Variants in CHI3L1 observed in about 807,000 individuals in gnomAD.
CHI3L1 encodes the protein chitinase-3-like protein 1.
In CHI3L1, 30 loss-of-function variants were observed where a neutral mutation model predicts 40.7. The ratio of observed to expected loss-of-function variants is 0.74; its 90% CI spans 0.55 to 1.00. The LOEUF (loss-of-function observed/expected upper bound fraction) is 1.00, where lower values mean the gene tolerates loss of function less well. Ranked by LOEUF, CHI3L1 falls within the 50% of genes least tolerant of loss-of-function variation. The probability of loss-of-function intolerance (pLI) is 0.00; values close to 1 mark genes in which losing one functional copy is unlikely to be tolerated. For missense variants in CHI3L1, 493 were observed against 492.2 expected, an observed-to-expected ratio of 1.00 and a Z score of -0.01; for synonymous variants, 210 against 192.1, an observed-to-expected ratio of 1.09 and a Z score of -0.77.
chr1:203,180,597 A>G lies in CHI3L1; in HGVS notation c.767T>C (p.Met256Thr). Reference protein sequence around the residue: ...RLGAPASKLVMGIPTFGRSFT... With the variant: ...RLGAPASKLVTGIPTFGRSFT... ...GCTCCTCCCGAAGGTGGGGATGCCC[A>G]TCACCAGCTTACTGGCAGGAGCCCC... The change falls in exon 8 of 10, where the codon ATG (methionine) becomes ACG (threonine). Residue 256 changes from methionine to threonine, a missense_variant. Coordinates refer to ENST00000255409, the MANE Select transcript of CHI3L1 (RefSeq NM_001276.4). 1.2e-6 allele frequency: 2 copies of G among 1,613,052 alleles called. No individual in the cohort carries two copies. Among genetic ancestry groups the G allele is most frequent in the Non-Finnish European group, 1.7e-6 (2 of 1,179,586 alleles).
At chr1:203,185,886 AC>A (rs2102212015) in intron 2 of CHI3L1, among the ~76,000 whole-genome samples, 1 of 152,136 alleles carries the variant, frequency 6.6e-6, no homozygotes, top group African/African-American at 2.4e-5. Flanking sequence ...CTTGTAACCC[AC>A]CCGGAATGGC....
chr1:203,180,951 C>T (rs1325476630), intron 7 of CHI3L1, among the ~76,000 whole-genome samples: 1 of 152,212 alleles, frequency 6.6e-6, no homozygotes, highest in African/African-American at 2.4e-5. Context: ...CATTCGGCCC[C>T]CTGCCCTCAC....
intron 8 of CHI3L1, chr1:203,180,232 C>T (rs1369641812): frequency 3.5e-6 from 2 of 570,912 alleles, no homozygotes; most frequent in East Asian, 2.9e-5. Context: ...AAGACCTCAG[C>T]CCCATAGCCA....
At chr1:203,181,959 C>G (rs1383239758) in intron 6 of CHI3L1, 1 of 152,420 alleles carries the variant, frequency 6.6e-6, no homozygotes, top group Non-Finnish European at 1.5e-5. Flanking sequence ...AAAGGATGAC[C>G]TGAACCTAAG....
rs144664776 is a variant in CHI3L1 at position 203,180,436 on chromosome 1, T to C, written c.894+34A>G. 53 of 1,503,612 alleles carry C rather than the reference T, an allele frequency of 3.5e-5. No homozygotes were observed. In the African/African-American group the frequency reaches 6.1e-4, roughly 17 times the overall value. The allele number at this position is 1,503,612 out of a possible 1,614,324, so 93.1% of individuals were successfully genotyped here. ...ACCTTCCCCAGGGCTGCTGGTGGTG[T>C]GGGGGAATCCTACCTTCTCCCCAAC... On this transcript the variant is annotated intron_variant, in intron 8 of 9. Transcript: ENST00000255409.
Position 203,181,288 on chromosome 1 carries a change from G to A in CHI3L1, c.588-3C>T. ...TGATGCTAATGAAATCCAGGTGTCT[G>A]AGGAGGAAGGGGATGGAGGGTGAGG... On this transcript the variant is annotated splice_region_variant and splice_polypyrimidine_tract_variant and intron_variant, in intron 6 of 9. Transcript: ENST00000255409. The A allele has an allele frequency of 6.2e-7, 1 of 1,613,814 alleles. No individual in the cohort carries two copies. Among genetic ancestry groups the A allele is most frequent in the Admixed American group, 1.7e-5 (1 of 59,982 alleles).
chr1:203,183,584 C>G, intron 5 of CHI3L1, 57 bp downstream of exon 5: 1 of 1,590,290 alleles, frequency 6.3e-7, no homozygotes, highest in Non-Finnish European at 8.6e-7. Flanking sequence ...GGCTTCTAGC[C>G]CACCCCATTC....
At position 203,183,754 on chromosome 1, in the gene CHI3L1, T is replaced by G. The variant is rs768480331; in HGVS notation, c.352A>C (p.Thr118Pro). Residue 118 changes from threonine (T) to proline (P), a missense_variant, in exon 5 of 10, where the codon ACT becomes CCT. Transcript: ENST00000255409. ...AATGGCGGTACTGACTTGATGAAAG[T>G]CCGGCGACTCTGGGTGTTGGAGGCT... ...KIASNTQSRR[T>P]FIKSVPPFLR... is the part of the protein sequence containing the mutation. The G allele has an allele frequency of 1.2e-6, 2 of 1,614,152 alleles. No homozygotes were observed. The highest frequency in any genetic ancestry group is 2.2e-5 in the South Asian group (2 of 91,084).
chr1:203,186,697 AG>A lies in CHI3L1; in HGVS notation c.-75del. 1 of 1,569,734 alleles carries A rather than the reference AG, an allele frequency of 6.4e-7. No homozygotes were observed. Among genetic ancestry groups the A allele is most frequent in the South Asian group, 1.1e-5 (1 of 90,160 alleles). ...GGCTCCTGGTGCCAGCTACCTAGAC[AG>A]GGCCTCTTCCCCAGGCCCTGTACTT... On this transcript the variant is annotated 5_prime_UTR_variant, in exon 1 of 10. Transcript: ENST00000255409.
At position 203,183,697 on chromosome 1, in the gene CHI3L1, G is replaced by C. The variant is rs919347792; in HGVS notation, c.409C>G (p.Leu137Val). Residue 137 changes from leucine (L) to valine (V), a missense_variant, in exon 5 of 10, where the codon CTT becomes GTT. Transcript: ENST00000255409. ...LRTHGFDGLD[L>V]AWLYPGRRDK... is the part of the protein sequence containing the mutation. ...CTCCGTCCAGGGTAGAGCCAGGCAA[G>C]GTCCAGCCCATCAAAGCCATGGGTG... The C allele has an allele frequency of 6.2e-6, 10 of 1,614,068 alleles. 1 individual carries two copies. The Middle Eastern group carries it at 4.9e-4, about 80-fold the overall frequency.
intron 3 of CHI3L1, 95 bp downstream of exon 3, chr1:203,185,089 G>A: frequency 1.0e-6 from 1 of 990,708 alleles, no homozygotes; most frequent in East Asian, 2.4e-5. Context: ...ACATAGGTGA[G>A]CAGGGTGGGG....
At chr1:203,184,402 T>G (rs1486053162) in intron 4 of CHI3L1, among the ~76,000 whole-genome samples, 174 bp downstream of exon 4, 2 of 152,196 alleles carry the variant, frequency 1.3e-5, no homozygotes, top group African/African-American at 4.8e-5. Flanking sequence ...CTGCTCTCTC[T>G]CTGGGCTCTG....
rs562001678 is a variant in CHI3L1, at chr1:203,180,594, C to T, written c.770G>A (p.Gly257Asp). The T allele has an allele frequency of 3.8e-5, 62 of 1,612,796 alleles. 1 individual carries two copies. The South Asian group carries it at 6.3e-4, about 16-fold the overall frequency. ...LGAPASKLVM[G>D]IPTFGRSFTL... ...GAAGCTCCTCCCGAAGGTGGGGATG[C>T]CCATCACCAGCTTACTGGCAGGAGC... Residue 257 changes from glycine to aspartate, a missense_variant, in exon 8 of 10, where the codon GGC becomes GAC. Physicochemically the swap from Gly to Asp is moderately conservative, Grantham distance 94. Transcript: ENST00000255409.
At chr1:203,182,617 T>G in intron 6 of CHI3L1, 114 bp downstream of exon 6, 1 of 1,218,142 alleles carries the variant, frequency 8.2e-7, no homozygotes, top group East Asian at 2.3e-5. Flanking sequence ...TTGGAAGAAC[T>G]GGGACTGGAA....
chr1:203,183,803 A>G lies in CHI3L1; in HGVS notation c.315-12T>C. On this transcript the variant is annotated splice_polypyrimidine_tract_variant and intron_variant, in intron 4 of 9. Coordinates refer to ENST00000255409, the MANE Select transcript of CHI3L1 (RefSeq NM_001276.4). Reference sequence around the variant, plus strand: ...CTATCTTGGAAAATCTAGGACCAAAATCAGCCCTGTAGCATGCTCAGCACT... The same window carrying G: ...CTATCTTGGAAAATCTAGGACCAAAGTCAGCCCTGTAGCATGCTCAGCACT... 6.2e-7 allele frequency: 1 copy of G among 1,613,522 alleles called. No individual in the cohort carries two copies. The highest frequency in any genetic ancestry group is 8.5e-7 in the Non-Finnish European group (1 of 1,179,656).
At position 203,179,399 on chromosome 1, in the gene CHI3L1, G is replaced by T. The variant is rs377080511; in HGVS notation, c.*46C>A. ...GGCTCCCGGCCAGCTGGAGCCAGAGGGGGACGGGGCATCCTTGGCCCCCGT... is the reference window on the plus strand; with the variant it reads ...GGCTCCCGGCCAGCTGGAGCCAGAGTGGGACGGGGCATCCTTGGCCCCCGT... On this transcript the variant is annotated 3_prime_UTR_variant, in exon 10 of 10. Transcript: ENST00000255409. 1.3e-5 allele frequency: 19 copies of T among 1,490,622 alleles called. No homozygotes were observed. The Admixed American group carries it at 1.6e-4, about 12-fold the overall frequency. 92.3% of individuals were successfully genotyped at this position (1,490,622 alleles called of 1,614,324 possible).
intron 5 of CHI3L1, among the ~76,000 whole-genome samples, chr1:203,183,287 G>A (rs774993366): frequency 5.3e-5 from 8 of 152,186 alleles, no homozygotes; most frequent in Non-Finnish European, 7.3e-5. Context: ...TACTTAGGCT[G>A]CCCCCAGGCA....
intron 2 of CHI3L1, among the ~76,000 whole-genome samples, chr1:203,186,087 A>G (rs978886511): frequency 3.3e-5 from 5 of 152,180 alleles, no homozygotes; most frequent in African/African-American, 1.2e-4. Flanking sequence ...CTGAACCAGG[A>G]CCTTTTAAAG....
chr1:203,180,701 G>A lies in CHI3L1; in HGVS notation c.712-49C>T, dbSNP rs532425971. On this transcript the variant is annotated intron_variant, in intron 7 of 9. Transcript: ENST00000255409. ...ACGTGAGCAGTTAGTGCACAGGTGC[G>A]GAAGGTTGAGCAATTAATACTGCTG... The A allele has an allele frequency of 9.1e-5, 129 of 1,425,156 alleles. No homozygotes were observed. The East Asian group carries it at 1.2e-3, about 13-fold the overall frequency. The allele number at this position is 1,425,156 out of a possible 1,614,324, so 88.3% of individuals were successfully genotyped here. A position where few individuals can be genotyped will look rare whatever the true frequency, so the allele number is the denominator to read the frequency against.
Sources: gnomAD v4.1 joint callset for allele counts (sites outside exome capture counted in the v4.1 genomes callset) on GRCh38, gnomAD v4.1.1 for gene constraint, MANE v1.5 for transcripts, NCBI Gene and HGNC (gene_info 2026-07-23, HGNC 2026-07-21) for gene names.